The following TTLL11 variants were observed in gnomAD, a reference collection of about 807,000 sequenced individuals.
TTLL11 encodes tubulin tyrosine ligase like 11.
TTLL11 carries 42 observed loss-of-function variants against 51.7 expected under a neutral mutation model. That is an observed-to-expected ratio of 0.81 (90% CI 0.64 to 1.05). The LOEUF is 1.05. Among genes scored for constraint, TTLL11 ranks in the 50% least tolerant of loss-of-function variants. The pLI is 0.00. For missense variants in TTLL11, 799 were observed against 940.4 expected, an observed-to-expected ratio of 0.85 and a Z score of 1.97; for synonymous variants, 381 against 383.5, an observed-to-expected ratio of 0.99 and a Z score of 0.08.
At chr9:121,949,331 T>A (rs1359491990) in intron 6 of TTLL11, among the ~76,000 whole-genome samples, 1 of 152,198 alleles carries the variant, frequency 6.6e-6, no homozygotes, top group Admixed American at 6.5e-5. Context: ...TTAATTAATT[T>A]ATTCAACAAA....
chr9:122,084,653 T>G (rs1846078414), intron 1 of TTLL11, among the ~76,000 whole-genome samples: 1 of 152,174 alleles, frequency 6.6e-6, no homozygotes, highest in Non-Finnish European at 1.5e-5. Context: ...GTCATAGAGA[T>G]TCACCAGAGG....
chr9:121,933,031 C>T lies in TTLL11; in HGVS notation c.1481+40978G>A, dbSNP rs367570662. ...CGGAAAAGATTGATCAACTGGCTCC[C>T]TGAGCATCGAAAATGTCGGTTAGTT... On this transcript the variant is annotated intron_variant, in intron 6 of 8. Transcript: ENST00000321582. Among the ~76,000 whole-genome samples the T allele has an allele frequency of 9.9e-4, 151 of 152,312 alleles. 1 individual carries two copies. The highest frequency in any genetic ancestry group is 3.5e-3 in the African/African-American group (144 of 41,568).
At chr9:122,023,752 T>C (rs1281003596) in intron 3 of TTLL11, among the ~76,000 whole-genome samples, 5 of 151,254 alleles carry the variant, frequency 3.3e-5, no homozygotes, top group Non-Finnish European at 7.4e-5. Context: ...CCTACATCCA[T>C]TCCTAATTAA....
intron 1 of TTLL11, among the ~76,000 whole-genome samples, chr9:122,054,592 A>G (rs1448153004): frequency 6.6e-6 from 1 of 152,200 alleles, no homozygotes; most frequent in African/African-American, 2.4e-5. Context: ...TGAGGGTGAT[A>G]CAAACAACAA....
At chr9:121,943,005 G>A (rs1302379751) in intron 6 of TTLL11, among the ~76,000 whole-genome samples, 1 of 152,098 alleles carries the variant, frequency 6.6e-6, no homozygotes, top group Non-Finnish European at 1.5e-5. Flanking sequence ...CTTGGCGCTG[G>A]CAGTCCTGAA....
At chr9:121,930,064 C>T (rs1840906665) in intron 6 of TTLL11, among the ~76,000 whole-genome samples, 2 of 152,200 alleles carry the variant, frequency 1.3e-5, no homozygotes, top group Non-Finnish European at 2.9e-5. Context: ...TTGCATTCCC[C>T]AAAGACTCTC....
At chr9:121,963,235 G>A (rs3763647) in intron 6 of TTLL11, among the ~76,000 whole-genome samples, 56,820 of 152,066 alleles carry the variant, frequency 0.37, 11,417 homozygotes, top group East Asian at 0.67. Flanking sequence ...ACACTCCCCT[G>A]TGAACCAGGC....
intron 8 of TTLL11, among the ~76,000 whole-genome samples, chr9:121,828,457 G>A (rs1357329521): frequency 1.3e-5 from 2 of 152,140 alleles, no homozygotes; most frequent in Non-Finnish European, 2.9e-5. Flanking sequence ...TTACAGGCAT[G>A]AGCCACCATG....
intron 8 of TTLL11, among the ~76,000 whole-genome samples, chr9:121,855,588 C>T (rs1837789014): frequency 6.6e-6 from 1 of 152,114 alleles, no homozygotes; most frequent in South Asian, 2.1e-4. Context: ...GATGCTTTAG[C>T]ACTTTGACAC....
intron 8 of TTLL11, among the ~76,000 whole-genome samples, chr9:121,857,273 C>T (rs1201121204): frequency 2.0e-5 from 3 of 152,200 alleles, no homozygotes; most frequent in African/African-American, 7.2e-5. Context: ...TGCTGCCGTC[C>T]CCTCTGACTC....
intron 4 of TTLL11, among the ~76,000 whole-genome samples, chr9:121,986,388 T>C (rs1842941798): frequency 6.6e-6 from 1 of 152,228 alleles, no homozygotes; most frequent in South Asian, 2.1e-4. Flanking sequence ...GTCAAACAGA[T>C]CTGACCACAT....
chr9:121,839,272 A>G (rs12352458), intron 8 of TTLL11, among the ~76,000 whole-genome samples: 9,056 of 152,234 alleles, frequency 0.059, 750 homozygotes, highest in African/African-American at 0.19. Context: ...TGTTCTGTTC[A>G]TCCCTGCACG....
intron 6 of TTLL11, among the ~76,000 whole-genome samples, chr9:121,942,088 C>T (rs1841497803): frequency 6.6e-6 from 1 of 152,164 alleles, no homozygotes; most frequent in Admixed American, 6.5e-5. Flanking sequence ...ACCCTAGAAT[C>T]AAATCTATAC....
chr9:122,008,730 G>A (rs1843720817), intron 3 of TTLL11, among the ~76,000 whole-genome samples: 1 of 152,244 alleles, frequency 6.6e-6, no homozygotes, highest in Admixed American at 6.5e-5. Flanking sequence ...ATATGTTGAA[G>A]AGAGATCCGC....
At chr9:121,972,269 T>C (rs1471834725) in intron 6 of TTLL11, among the ~76,000 whole-genome samples, 3 of 152,366 alleles carry the variant, frequency 2.0e-5, no homozygotes, top group East Asian at 3.9e-4. Flanking sequence ...TATCTGCTGC[T>C]GAGACCAATA....
At chr9:121,948,927 T>G (rs1283861782) in intron 6 of TTLL11, among the ~76,000 whole-genome samples, 1 of 152,174 alleles carries the variant, frequency 6.6e-6, no homozygotes, top group Non-Finnish European at 1.5e-5. Context: ...AAAATGGGAA[T>G]GTGTCCTCCC....
chr9:121,937,291 C>G (rs1220181874), intron 6 of TTLL11, among the ~76,000 whole-genome samples: 1 of 152,216 alleles, frequency 6.6e-6, no homozygotes, highest in Admixed American at 6.5e-5. Context: ...ATATCACATA[C>G]AATCAGATGT....
intron 1 of TTLL11, among the ~76,000 whole-genome samples, chr9:122,052,788 G>A (rs2131851903): frequency 6.6e-6 from 1 of 152,266 alleles, no homozygotes; most frequent in Non-Finnish European, 1.5e-5. Context: ...GCCCACAAGT[G>A]CAGAAAGGCT....
chr9:121,822,704 G>C lies in TTLL11; in HGVS notation c.2016C>G (p.Pro672=). The C allele has an allele frequency of 4.5e-6, 7 of 1,549,880 alleles. No individual in the cohort carries two copies. Among genetic ancestry groups the C allele is most frequent in the South Asian group, 1.2e-5 (1 of 83,958 alleles). Reference sequence around the variant, plus strand: ...GCTCCTGGGGAGGGCCACGGTGTGGGGGCCGGCCCCCCGACGGGACGCCCC... The same window carrying C: ...GCTCCTGGGGAGGGCCACGGTGTGGCGGCCGGCCCCCCGACGGGACGCCCC... ...CGRGVPSGGR[P]PHRGPPQEPS... The change falls in exon 9 of 9, where the codon CCC becomes CCG. Residue 672 remains proline (P), a synonymous_variant. Coordinates refer to ENST00000321582, the MANE Select transcript of TTLL11 (RefSeq NM_001139442.2). The surrounding 1 kb of genome is among the most constrained non-coding windows in gnomAD (Gnocchi z 5.8).
Sources: gnomAD v4.1 joint callset for allele counts (sites outside exome capture counted in the v4.1 genomes callset) on GRCh38, gnomAD v4.1.1 for gene constraint, Gnocchi (gnomAD v3.1) non-coding constraint, MANE v1.5 for transcripts, NCBI Gene and HGNC (gene_info 2026-07-23, HGNC 2026-07-21) for gene names.